Variants in ZBTB46 observed in about 807,000 individuals in gnomAD.
ZBTB46 encodes the protein zinc finger and BTB domain-containing protein 46.
ZBTB46 carries 8 observed loss-of-function variants against 44.1 expected under a neutral mutation model. That is an observed-to-expected ratio of 0.18 (90% CI 0.11 to 0.33). The LOEUF (loss-of-function observed/expected upper bound fraction) is 0.33. Ranked by LOEUF, ZBTB46 falls within the 10% of genes least tolerant of loss-of-function variation. The pLI is 1.00. For missense variants in ZBTB46, 651 were observed against 847.7 expected, an observed-to-expected ratio of 0.77 and a Z score of 2.88; for synonymous variants, 409 against 382.3, an observed-to-expected ratio of 1.07 and a Z score of -0.81.
rs557815524 is a variant in ZBTB46 at position 63,789,176 on chromosome 20, G to C, written c.937+645C>G. 5.3e-5 allele frequency among the ~76,000 whole-genome samples: 8 copies of C among 152,100 alleles called. No individual in the cohort carries two copies. The South Asian group carries it at 1.7e-3, about 32-fold the overall frequency. ...AGAGAGGAAACAAACATCGCCTGTTGGCTTCAACAGCAGAACCCACAGGTG... is the reference window on the plus strand; with the variant it reads ...AGAGAGGAAACAAACATCGCCTGTTCGCTTCAACAGCAGAACCCACAGGTG... On this transcript the variant is annotated intron_variant, in intron 2 of 4. Coordinates refer to ENST00000245663, the MANE Select transcript of ZBTB46 (RefSeq NM_001369741.1).
intron 1 of ZBTB46, among the ~76,000 whole-genome samples, chr20:63,806,644 T>C (rs2092683456): frequency 1.3e-5 from 2 of 152,306 alleles, no homozygotes; most frequent in South Asian, 4.1e-4. Context: ...AATCTGGCTC[T>C]GTCACCCAGG....
Position 63,744,478 on chromosome 20 carries a change from A to G in ZBTB46, c.*2452T>C, listed in dbSNP as rs1354354679. 1.3e-5 allele frequency: 2 copies of G among 152,400 alleles called. No individual in the cohort carries two copies. Among genetic ancestry groups the G allele is most frequent in the Non-Finnish European group, 2.9e-5 (2 of 68,026 alleles). The allele number at this position is 152,400 out of a possible 1,614,324, so 9.4% of individuals were successfully genotyped here. On this transcript the variant is annotated 3_prime_UTR_variant, in exon 5 of 5. Transcript: ENST00000245663. ...GTGTTGTAAACACCAAAATACAAAC[A>G]GACACAAACAAAAATACAAAATGTG...
intron 1 of ZBTB46, among the ~76,000 whole-genome samples, chr20:63,799,589 C>G (rs2092628224): frequency 6.6e-6 from 1 of 152,066 alleles, no homozygotes; most frequent in Non-Finnish European, 1.5e-5. Context: ...CTCAAGTGAT[C>G]CTCCCACCTC....
At chr20:63,761,666 C>A (rs1232523096) in intron 3 of ZBTB46, among the ~76,000 whole-genome samples, 1 of 151,678 alleles carries the variant, frequency 6.6e-6, no homozygotes, top group Non-Finnish European at 1.5e-5. Context: ...CCTGTAATCC[C>A]AGCTACTCGG....
chr20:63,800,650 C>G (rs1259397694), intron 1 of ZBTB46, among the ~76,000 whole-genome samples: 2 of 152,222 alleles, frequency 1.3e-5, no homozygotes, highest in Non-Finnish European at 2.9e-5. Context: ...CGGCCCCACA[C>G]TCGGAGCGGC....
intron 3 of ZBTB46, among the ~76,000 whole-genome samples, chr20:63,757,297 A>G (rs933468917): frequency 6.6e-6 from 1 of 152,006 alleles, no homozygotes; most frequent in Non-Finnish European, 1.5e-5. Flanking sequence ...TGATTTTTGT[A>G]TTTTCAGTAG....
chr20:63,746,699 A>T lies in ZBTB46; in HGVS notation c.*231T>A, dbSNP rs965106951. ...CCGTGCTCTCCCTTCACTCAAACCC[A>T]CCCTGTGCCCTCCCCCAACTCACTT... On this transcript the variant is annotated 3_prime_UTR_variant, in exon 5 of 5. Transcript: ENST00000245663. 6.6e-6 allele frequency: 4 copies of T among 608,528 alleles called. No individual in the cohort carries two copies. The highest frequency in any genetic ancestry group is 1.0e-5 in the Non-Finnish European group (4 of 385,174). 37.7% of individuals were successfully genotyped at this position (608,528 alleles called of 1,614,324 possible).
chr20:63,786,063 C>T (rs111253003), intron 2 of ZBTB46, among the ~76,000 whole-genome samples: 1,547 of 152,330 alleles, frequency 0.01, 26 homozygotes, highest in African/African-American at 0.034. Context: ...GTTACGTGCA[C>T]GCACAGGGAG....
intron 1 of ZBTB46, among the ~76,000 whole-genome samples, chr20:63,794,957 G>A (rs2092589629): frequency 6.6e-6 from 1 of 151,750 alleles, no homozygotes; most frequent in Admixed American, 6.6e-5. Flanking sequence ...TGCGCGAGGT[G>A]CCCCTTCAGA....
In ZBTB46 at chr20:63,767,702, C is replaced by T. The variant is rs1490073867; in HGVS notation, c.1222+7976G>A. Among the ~76,000 whole-genome samples the T allele has an allele frequency of 6.6e-6, 1 of 152,252 alleles. No homozygotes were observed. The highest frequency in any genetic ancestry group is 1.5e-5 in the Non-Finnish European group (1 of 68,046). ...TCCAGCAGGGGAGGTGCCTTCGCTG[C>T]TGTCACTTGCTTCACAGAGCTCCTT... On this transcript the variant is annotated intron_variant, in intron 3 of 4. Transcript: ENST00000245663. This position sits in a 1 kb window ranked among gnomAD's most constrained non-coding sequence, Gnocchi z 5.0.
chr20:63,821,706 C>T (rs2092793414), intron 1 of ZBTB46, among the ~76,000 whole-genome samples: 2 of 152,070 alleles, frequency 1.3e-5, no homozygotes, highest in African/African-American at 4.8e-5. Context: ...CCTCGGCCTC[C>T]CAAAGTGCTG....
chr20:63,823,034 G>A (rs1004484170), intron 1 of ZBTB46, among the ~76,000 whole-genome samples: 7 of 109,446 alleles, frequency 6.4e-5, no homozygotes, highest in East Asian at 5.3e-4. Context: ...GCATGGTGGC[G>A]CGCACCTGTG....
intron 1 of ZBTB46, among the ~76,000 whole-genome samples, chr20:63,801,563 G>C (rs543913744): frequency 2.0e-5 from 3 of 152,236 alleles, no homozygotes; most frequent in African/African-American, 7.2e-5. Context: ...TTTGCTCTTT[G>C]CAATAAATCT....
In ZBTB46 at chr20:63,748,048, CACCCCCTCAGCCCCTG is replaced by C. The variant is rs533769007; in HGVS notation, c.1399-763_1399-748del. On this transcript the variant is annotated intron_variant, in intron 4 of 4. Coordinates refer to ENST00000245663, the MANE Select transcript of ZBTB46 (RefSeq NM_001369741.1). The stretch of plus-strand genomic sequence containing the variant: ...CCACACCTCAGCCTGGCTGCGTGGA[CACCCCCTCAGCCCCTG>C]ACCCCCTCAGTCCCTGACCCCTCAG... 3.0e-3 allele frequency among the ~76,000 whole-genome samples: 460 copies of C among 152,274 alleles called. 2 individuals are homozygous for C. Among genetic ancestry groups the C allele is most frequent in the Middle Eastern group, 6.8e-3 (2 of 294 alleles).
chr20:63,757,511 G>A (rs943949018), intron 3 of ZBTB46, among the ~76,000 whole-genome samples: 2 of 152,070 alleles, frequency 1.3e-5, no homozygotes, highest in African/African-American at 2.4e-5. Flanking sequence ...GTTGCAGAGT[G>A]GGCTTTCTGG....
intron 1 of ZBTB46, among the ~76,000 whole-genome samples, chr20:63,804,875 T>C (rs577681234): frequency 1.3e-5 from 2 of 148,612 alleles, no homozygotes; most frequent in African/African-American, 2.5e-5. Context: ...CTGGGCAACA[T>C]AGTGAGACTC....
chr20:63,750,591 A>G (rs1367831376), intron 4 of ZBTB46, among the ~76,000 whole-genome samples: 1 of 152,078 alleles, frequency 6.6e-6, no homozygotes, highest in Non-Finnish European at 1.5e-5. Flanking sequence ...CTGAAGCCCA[A>G]TCATGAACCC....
At chr20:63,782,150 A>AC (rs1210066335) in intron 2 of ZBTB46, among the ~76,000 whole-genome samples, 2 of 151,134 alleles carry the variant, frequency 1.3e-5, no homozygotes, top group African/African-American at 4.9e-5. Context: ...CTGTATGCAA[A>AC]CCCCCAGTGG....
intron 3 of ZBTB46, among the ~76,000 whole-genome samples, chr20:63,761,085 G>A (rs971117645): frequency 1.1e-4 from 16 of 141,180 alleles, no homozygotes; most frequent in Admixed American, 3.7e-4. Context: ...TGCAACCTCC[G>A]CCTCCCAGGT....
Sources: allele counts gnomAD v4.1 joint callset (sites outside exome capture counted in the v4.1 genomes callset), GRCh38; gene constraint gnomAD v4.1.1; non-coding constraint Gnocchi (gnomAD v3.1); transcripts MANE v1.5; gene names NCBI Gene and HGNC (gene_info 2026-07-23, HGNC 2026-07-21).